ZNF385A: variants seen among roughly 807,000 people sequenced by gnomAD.
The protein encoded by ZNF385A is hematopoietic zinc finger protein.
A neutral mutation model predicts 32.1 loss-of-function variants in ZNF385A; 14 were observed. The ratio of observed to expected loss-of-function variants is 0.44; its 90% CI spans 0.29 to 0.68. The LOEUF (loss-of-function observed/expected upper bound fraction) is 0.68. ZNF385A is among the 30% of genes least tolerant of loss of function. ZNF385A has a pLI of 0.14. For missense variants in ZNF385A, 406 were observed against 478.4 expected (o/e 0.85, Z 1.41); for synonymous variants, 197 against 202.7 (o/e 0.97, Z 0.24).
At chr12:54,388,472 A>T (rs1340512280), upstream of ZNF385A, among the ~76,000 whole-genome samples, 1 of 152,214 alleles carries the variant, frequency 6.6e-6, no homozygotes, top group Non-Finnish European at 1.5e-5. Context: ...TCATGCCTCA[A>T]GCCCTGTTGT....
At chr12:54,383,324 T>C (rs548196659) in intron 1 of ZNF385A, among the ~76,000 whole-genome samples, 42 of 152,332 alleles carry the variant, frequency 2.8e-4, no homozygotes, top group African/African-American at 1.0e-3. Context: ...GGAGTCATCC[T>C]TGACTCATGC....
rs1954478220 is a variant in ZNF385A at position 54,370,559 on chromosome 12, G to A, written c.870+67C>T. ...CAAACCCCACCTCTCCCTGGGCAAA[G>A]CCCGCGTCCCTCTCTCCTCCCCGCC... On this transcript the variant is annotated intron_variant, in intron 6 of 6. Transcript: ENST00000394313. This position sits in a 1 kb window ranked among gnomAD's most constrained non-coding sequence, Gnocchi z 5.5. The A allele has an allele frequency of 6.4e-7, 1 of 1,551,924 alleles. No individual in the cohort carries two copies. Among genetic ancestry groups the A allele is most frequent in the African/African-American group, 1.4e-5 (1 of 73,210 alleles).
chr12:54,383,823 G>A (rs1026299554), intron 1 of ZNF385A, among the ~76,000 whole-genome samples: 7 of 152,246 alleles, frequency 4.6e-5, no homozygotes, highest in Admixed American at 4.6e-4. Flanking sequence ...GAACTGGGGA[G>A]GTGGAGGCTG....
chr12:54,381,352 T>C (rs1279573079), intron 1 of ZNF385A: 1 of 152,232 alleles, frequency 6.6e-6, no homozygotes, highest in Non-Finnish European at 1.5e-5. Context: ...GCCAATCAGA[T>C]GCAGGATGCA....
At position 54,370,842 on chromosome 12, in the gene ZNF385A, A is replaced by C. The variant is rs1954506391; in HGVS notation, c.774+85T>G. ...GGCCCCCTGGGGAAAACTCTGAAGA[A>C]GGGCCTTTACTCAAGCTCCTTGCTC... On this transcript the variant is annotated intron_variant, in intron 5 of 6. Transcript: ENST00000394313. This position sits in a 1 kb window ranked among gnomAD's most constrained non-coding sequence, Gnocchi z 5.5. 6.2e-7 allele frequency: 1 copy of C among 1,605,952 alleles called. No homozygotes were observed. The highest frequency in any genetic ancestry group is 8.5e-7 in the Non-Finnish European group (1 of 1,175,386).
chr12:54,382,731 C>T (rs1035146576), intron 1 of ZNF385A, among the ~76,000 whole-genome samples: 4 of 152,024 alleles, frequency 2.6e-5, no homozygotes, highest in African/African-American at 7.2e-5. Flanking sequence ...GCTGACTTTC[C>T]CCAAACTTTT....
intron 4 of ZNF385A, 70 bp downstream of exon 4, chr12:54,371,403 G>A (rs1311703698): frequency 4.5e-6 from 7 of 1,555,956 alleles, no homozygotes; most frequent in Non-Finnish European, 6.0e-6. Context: ...GGAAGCCAGG[G>A]GCATTAGGAT....
At chr12:54,387,176 A>AT (rs1362368296), upstream of ZNF385A, among the ~76,000 whole-genome samples, 1 of 152,146 alleles carries the variant, frequency 6.6e-6, no homozygotes, top group Non-Finnish European at 1.5e-5. Flanking sequence ...TGGAGTCCTC[A>AT]TTTTTCCTCC....
At chr12:54,391,287 G>A in exon 1 of ZNF385A, 1 of 1,353,182 alleles carries the variant, frequency 7.4e-7, no homozygotes, top group Non-Finnish European at 9.6e-7. Context: ...GCTCTGTCCC[G>A]GGGGCCGTTC....
intron 1 of ZNF385A, among the ~76,000 whole-genome samples, chr12:54,390,075 G>A (rs1247702125): frequency 6.6e-6 from 1 of 152,136 alleles, no homozygotes; most frequent in Non-Finnish European, 1.5e-5. Context: ...GAGGGACTCA[G>A]GAGAGGGATG....
chr12:54,378,744 G>T (rs1565622265), intron 1 of ZNF385A, among the ~76,000 whole-genome samples: 1 of 152,094 alleles, frequency 6.6e-6, no homozygotes, highest in Non-Finnish European at 1.5e-5. Context: ...CTGGGAAGGG[G>T]CTGGGGCTGG....
intron 1 of ZNF385A, among the ~76,000 whole-genome samples, chr12:54,389,962 G>A (rs866315143): frequency 6.6e-6 from 1 of 152,144 alleles, no homozygotes; most frequent in South Asian, 2.1e-4. Context: ...GGACACACAG[G>A]AGGAGGAGAG....
At chr12:54,384,381 A>G in intron 1 of ZNF385A, 47 bp downstream of exon 1, 1 of 1,531,772 alleles carries the variant, frequency 6.5e-7, no homozygotes, top group Non-Finnish European at 8.8e-7. Flanking sequence ...TGAGAGAGAA[A>G]GGTCGGGTCA....
upstream of ZNF385A, among the ~76,000 whole-genome samples, chr12:54,387,031 A>T (rs1208658854): frequency 2.6e-5 from 4 of 152,118 alleles, no homozygotes; most frequent in Non-Finnish European, 4.4e-5. Flanking sequence ...GATCTGCTGG[A>T]CTCTACAGCA....
intron 1 of ZNF385A, among the ~76,000 whole-genome samples, chr12:54,381,997 G>C (rs539077385): frequency 6.6e-6 from 1 of 151,820 alleles, no homozygotes; most frequent in East Asian, 1.9e-4. Context: ...ACTGAGTCCC[G>C]TGTCCCTGAC....
Position 54,370,879 on chromosome 12 carries a change from T to G in ZNF385A, c.774+48A>C. On this transcript the variant is annotated intron_variant, in intron 5 of 6. Transcript: ENST00000394313. The surrounding 1 kb of genome is among the most constrained non-coding windows in gnomAD (Gnocchi z 5.5). ...CAAGCTCCTTGCTCCCCTTCCCCAC[T>G]TAGCGGGTGGAGCGTCCCAGAATTC... is the stretch of plus-strand genomic sequence containing the variant. The G allele has an allele frequency of 1.2e-6, 2 of 1,613,524 alleles. No homozygotes were observed. The highest frequency in any genetic ancestry group is 1.7e-6 in the Non-Finnish European group (2 of 1,179,656).
chr12:54,390,826 A>T (rs1955619617), intron 1 of ZNF385A, among the ~76,000 whole-genome samples: 1 of 151,448 alleles, frequency 6.6e-6, no homozygotes, highest in Non-Finnish European at 1.5e-5. Flanking sequence ...ATGTCGGAGT[A>T]TCTAAGCTAA....
chr12:54,391,136 G>T (rs906485961), intron 1 of ZNF385A: 3 of 1,300,722 alleles, frequency 2.3e-6, no homozygotes, highest in African/African-American at 3.1e-5. Flanking sequence ...ACGGGCGGCC[G>T]CAGTCACCGC....
chr12:54,378,569 T>G (rs529604991), intron 1 of ZNF385A, among the ~76,000 whole-genome samples: 3 of 152,260 alleles, frequency 2.0e-5, no homozygotes, highest in African/African-American at 7.2e-5. Context: ...ATGGAACTGC[T>G]GCCCCTTGTG....
Sources: gnomAD v4.1 joint callset for allele counts (sites outside exome capture counted in the v4.1 genomes callset) on GRCh38, gnomAD v4.1.1 for gene constraint, Gnocchi (gnomAD v3.1) non-coding constraint, MANE v1.5 for transcripts, NCBI Gene and HGNC (gene_info 2026-07-23, HGNC 2026-07-21) for gene names.